PPM1H: variants seen among roughly 807,000 people sequenced by gnomAD.
PPM1H encodes the protein protein phosphatase 1H.
In PPM1H, 27 loss-of-function variants were observed where a neutral mutation model predicts 54.9. That is an observed-to-expected ratio of 0.49 (90% CI 0.36 to 0.68). PPM1H has a LOEUF of 0.68. Among genes scored for constraint, PPM1H ranks in the 30% least tolerant of loss-of-function variants. PPM1H has a pLI of 0.00. For missense variants in PPM1H, 596 were observed against 667.8 expected, an observed-to-expected ratio of 0.89 and a Z score of 1.19; for synonymous variants, 305 against 270.8, an observed-to-expected ratio of 1.13 and a Z score of -1.24.
chr12:62,922,409 G>A (rs1029290009), intron 1 of PPM1H, among the ~76,000 whole-genome samples: 1 of 151,486 alleles, frequency 6.6e-6, no homozygotes, highest in African/African-American at 2.4e-5. Flanking sequence ...AGGGTCATGG[G>A]ACAGCCTGCG....
chr12:62,665,732 C>G (rs1171953717), intron 9 of PPM1H, among the ~76,000 whole-genome samples: 1 of 151,848 alleles, frequency 6.6e-6, no homozygotes, highest in Non-Finnish European at 1.5e-5. Flanking sequence ...ATTTTAAATG[C>G]TTTAAATTTT....
chr12:62,797,964 A>T (rs895181464), intron 3 of PPM1H, among the ~76,000 whole-genome samples: 5 of 152,238 alleles, frequency 3.3e-5, no homozygotes, highest in Non-Finnish European at 7.3e-5. Context: ...CCAGCAAAGC[A>T]CAAGGTATGG....
chr12:62,713,084 C>A (rs571562513), intron 6 of PPM1H, among the ~76,000 whole-genome samples: 2 of 152,168 alleles, frequency 1.3e-5, no homozygotes, highest in Non-Finnish European at 2.9e-5. Flanking sequence ...TAAAACCCAA[C>A]CTGGCAGCTC....
chr12:62,907,691 T>C (rs1565825808), intron 1 of PPM1H, among the ~76,000 whole-genome samples: 1 of 152,234 alleles, frequency 6.6e-6, no homozygotes, highest in East Asian at 1.9e-4. Context: ...CTGTGTGACC[T>C]GGAGAATTTA....
intron 4 of PPM1H, among the ~76,000 whole-genome samples, chr12:62,758,447 A>G (rs1199285624): frequency 6.6e-6 from 1 of 152,108 alleles, no homozygotes; most frequent in Non-Finnish European, 1.5e-5. Flanking sequence ...TGTAGTTAAA[A>G]TTGTTTTCAC....
At chr12:62,874,358 G>A (rs1241562115) in intron 1 of PPM1H, among the ~76,000 whole-genome samples, 1 of 152,120 alleles carries the variant, frequency 6.6e-6, no homozygotes, top group East Asian at 1.9e-4. Context: ...AAATCCAAAG[G>A]ATCCAGGGAC....
At chr12:62,923,527 G>A (rs765551215) in intron 1 of PPM1H, among the ~76,000 whole-genome samples, 3 of 151,998 alleles carry the variant, frequency 2.0e-5, no homozygotes, top group African/African-American at 4.8e-5. Flanking sequence ...TCAGCCTCTC[G>A]AGTAGCTGGG....
chr12:62,769,458 T>C, intron 4 of PPM1H, among the ~76,000 whole-genome samples: 1 of 152,210 alleles, frequency 6.6e-6, no homozygotes, highest in East Asian at 1.9e-4. Context: ...ACCAGCCTCG[T>C]GGCCTGAACA....
intron 4 of PPM1H, among the ~76,000 whole-genome samples, chr12:62,766,864 A>G (rs1348748342): frequency 6.6e-6 from 1 of 152,234 alleles, no homozygotes; most frequent in Non-Finnish European, 1.5e-5. Context: ...CGAGGAATAG[A>G]AATCCTTCCT....
At chr12:62,734,848 GC>G (rs2076342208) in intron 5 of PPM1H, among the ~76,000 whole-genome samples, 1 of 152,056 alleles carries the variant, frequency 6.6e-6, no homozygotes, top group South Asian at 2.1e-4. Context: ...TTTAAGACCA[GC>G]CCTGGCAAGA....
At chr12:62,662,428 A>T (rs183727400) in intron 9 of PPM1H, among the ~76,000 whole-genome samples, 1 of 152,338 alleles carries the variant, frequency 6.6e-6, no homozygotes, top group East Asian at 1.9e-4. Context: ...ATATCAGACA[A>T]TTCGAGGAGG....
intron 1 of PPM1H, among the ~76,000 whole-genome samples, chr12:62,886,824 A>G (rs1230928067): frequency 6.6e-6 from 1 of 152,242 alleles, no homozygotes; most frequent in African/African-American, 2.4e-5. Flanking sequence ...AAAGCCTGGT[A>G]AGGGCCAGAA....
chr12:62,760,836 A>C (rs1287040962), intron 4 of PPM1H, among the ~76,000 whole-genome samples: 1 of 152,240 alleles, frequency 6.6e-6, no homozygotes, highest in Non-Finnish European at 1.5e-5. Flanking sequence ...CAAATGACCT[A>C]GACTAGCTCT....
At chr12:62,782,680 C>T (rs2076649190) in intron 4 of PPM1H, among the ~76,000 whole-genome samples, 1 of 152,072 alleles carries the variant, frequency 6.6e-6, no homozygotes, top group South Asian at 2.1e-4. Context: ...GGGCTCAATT[C>T]AAAAACTTAG....
intron 1 of PPM1H, among the ~76,000 whole-genome samples, chr12:62,857,154 T>C (rs187342): frequency 0.017 from 2,616 of 152,246 alleles, 96 homozygotes; most frequent in African/African-American, 0.06. Flanking sequence ...AGGAGGGATG[T>C]AACTTATTTA....
intron 4 of PPM1H, among the ~76,000 whole-genome samples, chr12:62,739,285 C>T (rs1311761515): frequency 6.6e-6 from 1 of 152,196 alleles, no homozygotes; most frequent in Non-Finnish European, 1.5e-5. Context: ...ATCCACCATT[C>T]ACAAATCAGT....
rs553625517 is a variant in PPM1H, at chr12:62,649,129, G to A, written c.1398-493C>T. ...CATTTAAAATAAATTTTTTAAAAAA[G>A]TGAGTTAAGGAAAAATGTTAAAAAT... On this transcript the variant is annotated intron_variant, in intron 9 of 9. Coordinates refer to ENST00000228705, the MANE Select transcript of PPM1H (RefSeq NM_020700.2). 5.9e-5 allele frequency among the ~76,000 whole-genome samples: 9 copies of A among 151,880 alleles called. No homozygotes were observed. In the South Asian group the frequency reaches 1.7e-3, roughly 28 times the overall value.
chr12:62,645,740 G>GAAATC lies in PPM1H; in HGVS notation c.*2744_*2748dup, dbSNP rs2075780964. Reference sequence around the variant, plus strand: ...GAGACAACCATAAAGACTTGACTAGGAAATCAAAAGGTTTTTATTAAACAA... The same window carrying GAAATC: ...GAGACAACCATAAAGACTTGACTAGGAAATCAAATCAAAAGGTTTTTATTAAACAA... On this transcript the variant is annotated 3_prime_UTR_variant, in exon 10 of 10. Coordinates refer to ENST00000228705, the MANE Select transcript of PPM1H (RefSeq NM_020700.2). 6.6e-6 allele frequency: 1 copy of GAAATC among 152,164 alleles called. No homozygotes were observed. The highest frequency in any genetic ancestry group is 1.5e-5 in the Non-Finnish European group (1 of 68,040). The allele number at this position is 152,164 out of a possible 1,614,324, so 9.4% of individuals were successfully genotyped here.
intron 9 of PPM1H, among the ~76,000 whole-genome samples, chr12:62,663,558 C>T (rs1167121386): frequency 6.6e-6 from 1 of 152,126 alleles, no homozygotes; most frequent in East Asian, 1.9e-4. Flanking sequence ...CTTTTCAGAA[C>T]CACCACTCCA....
Sources: gnomAD v4.1 joint callset for allele counts (sites outside exome capture counted in the v4.1 genomes callset) on GRCh38, gnomAD v4.1.1 for gene constraint, MANE v1.5 for transcripts, NCBI Gene and HGNC (gene_info 2026-07-23, HGNC 2026-07-21) for gene names.